CCNF: variants seen among roughly 807,000 people sequenced by gnomAD.
CCNF encodes cyclin-F.
A neutral mutation model predicts 85.4 loss-of-function variants in CCNF; 30 were observed. The observed-to-expected ratio is 0.35, with a 90% CI of 0.26 to 0.48. CCNF has a LOEUF of 0.48. Among genes scored for constraint, CCNF ranks in the 20% least tolerant of loss-of-function variants. CCNF has a pLI of 0.99. For missense variants in CCNF, 919 were observed against 1,010.4 expected, an observed-to-expected ratio of 0.91 and a Z score of 1.23; for synonymous variants, 439 against 425.1, an observed-to-expected ratio of 1.03 and a Z score of -0.40.
intron 10 of CCNF, among the ~76,000 whole-genome samples, chr16:2,446,873 T>C (rs944797944): frequency 2.6e-5 from 4 of 152,232 alleles, no homozygotes; most frequent in Non-Finnish European, 4.4e-5. Flanking sequence ...GAGCTTAGTC[T>C]TGTGACCACA....
intron 15 of CCNF, among the ~76,000 whole-genome samples, chr16:2,454,753 G>C (rs1289119160): frequency 6.6e-6 from 1 of 152,182 alleles, no homozygotes; most frequent in Admixed American, 6.5e-5. Flanking sequence ...AGCACTGCCT[G>C]CACCTTATTA....
In CCNF at chr16:2,435,619, ACACACACACATATATATG is replaced by A. The variant is rs56716750; in HGVS notation, c.279-178_279-161del. ...GAGATATATATATATATATGCACAC[ACACACACACATATATATG>A]CACACACATATATATATGCACACAC... On this transcript the variant is annotated intron_variant, in intron 3 of 16. Coordinates refer to ENST00000397066, the MANE Select transcript of CCNF (RefSeq NM_001761.3). 0.75 allele frequency among the ~76,000 whole-genome samples: 110,905 copies of A among 148,360 alleles called. 42,687 individuals are homozygous for A. The highest frequency in any genetic ancestry group is 0.92 in the African/African-American group (37,054 of 40,416).
intron 10 of CCNF, among the ~76,000 whole-genome samples, chr16:2,447,313 G>A (rs866360511): frequency 3.2e-4 from 48 of 151,046 alleles, no homozygotes; most frequent in Middle Eastern, 3.4e-3. Flanking sequence ...GACCAGGCAC[G>A]GTGGCTCACG....
chr16:2,443,834 C>T lies in CCNF; in HGVS notation c.929+34C>T, dbSNP rs185086673. ...TTCAGGCCGGGGCTTCTAATCAGAGCGGCGCGGAAGCCAGCCTCCAGGGGA... is the reference window on the plus strand; with the variant it reads ...TTCAGGCCGGGGCTTCTAATCAGAGTGGCGCGGAAGCCAGCCTCCAGGGGA... On this transcript the variant is annotated intron_variant, in intron 9 of 16. Coordinates refer to ENST00000397066, the MANE Select transcript of CCNF (RefSeq NM_001761.3). 1.2e-4 allele frequency: 196 copies of T among 1,601,610 alleles called. 1 individual carries two copies. The African/African-American group carries it at 1.7e-3, about 14-fold the overall frequency.
At chr16:2,444,301 CTTT>C (rs764089161) in intron 9 of CCNF, among the ~76,000 whole-genome samples, 4 of 139,124 alleles carry the variant, frequency 2.9e-5, no homozygotes, top group Non-Finnish European at 3.1e-5. Context: ...TCTTCAGTTA[CTTT>C]TTTTTTTTTT....
At position 2,441,223 on chromosome 16, in the gene CCNF, A is replaced by G. The variant is rs2065319475; in HGVS notation, c.777+1397A>G. 4.7e-5 allele frequency among the ~76,000 whole-genome samples: 7 copies of G among 150,420 alleles called. No individual in the cohort carries two copies. In the South Asian group the frequency reaches 1.5e-3, roughly 32 times the overall value. Reference sequence around the variant, plus strand: ...CACTCCAGCCTGGCAACAGAGCGATACTCCATCTCAAAAAAAAAAAAAATT... The same window carrying G: ...CACTCCAGCCTGGCAACAGAGCGATGCTCCATCTCAAAAAAAAAAAAAATT... On this transcript the variant is annotated intron_variant, in intron 8 of 16. Transcript: ENST00000397066.
rs1243711271 is a variant in CCNF, at chr16:2,453,279, C to A, written c.1557C>A (p.Asp519Glu). 4 of 1,613,952 alleles carry A rather than the reference C, an allele frequency of 2.5e-6. 1 individual carries two copies. The South Asian group carries it at 3.3e-5, about 13-fold the overall frequency. ...CCGCCGTGAAGCAGCGGTTTGAGGACAAGCGCTATGGAGAAATCAGCCAGG... is the reference window on the plus strand; with the variant it reads ...CCGCCGTGAAGCAGCGGTTTGAGGAAAAGCGCTATGGAGAAATCAGCCAGG... ...SLTAVKQRFE[D>E]KRYGEISQEE... Residue 519 changes from aspartate (D) to glutamate (E), a missense_variant, in exon 14 of 17, where the codon GAC (aspartate) becomes GAA (glutamate). Coordinates refer to ENST00000397066, the MANE Select transcript of CCNF (RefSeq NM_001761.3). The surrounding 1 kb of genome is among the most constrained non-coding windows in gnomAD (Gnocchi z 5.6).
intron 8 of CCNF, among the ~76,000 whole-genome samples, chr16:2,442,207 C>G (rs1413534288): frequency 7.1e-6 from 1 of 141,566 alleles, no homozygotes; most frequent in Non-Finnish European, 1.5e-5. Flanking sequence ...CAGGGTTTCA[C>G]CATGTTAGCC....
At chr16:2,437,438 A>C (rs982097012) in intron 5 of CCNF, 116 bp downstream of exon 5, 2 of 752,940 alleles carry the variant, frequency 2.7e-6, no homozygotes, top group African/African-American at 3.5e-5. Flanking sequence ...GGAAGTGAAG[A>C]TGCAGAAAAC....
chr16:2,447,138 C>T (rs1228468565), intron 10 of CCNF, among the ~76,000 whole-genome samples: 3 of 152,212 alleles, frequency 2.0e-5, no homozygotes, highest in Admixed American at 6.5e-5. Context: ...TGGGCCACAA[C>T]CGGCTGGCAG....
At chr16:2,447,030 C>T (rs2065365736) in intron 10 of CCNF, among the ~76,000 whole-genome samples, 2 of 152,338 alleles carry the variant, frequency 1.3e-5, no homozygotes, top group East Asian at 3.9e-4. Flanking sequence ...CTGAATCCAG[C>T]GTCCCAGGTC....
chr16:2,440,107 T>G (rs1438785093), intron 8 of CCNF, among the ~76,000 whole-genome samples: 2 of 152,240 alleles, frequency 1.3e-5, no homozygotes, highest in Non-Finnish European at 2.9e-5. Flanking sequence ...GAGCTATAGC[T>G]GCTGTCAAAA....
chr16:2,441,101 G>A (rs2065318676), intron 8 of CCNF, among the ~76,000 whole-genome samples: 1 of 152,090 alleles, frequency 6.6e-6, no homozygotes, highest in Admixed American at 6.6e-5. Flanking sequence ...GGGCCTGGTG[G>A]CATGTGCCTA....
intron 10 of CCNF, among the ~76,000 whole-genome samples, chr16:2,445,945 G>A (rs904615536): frequency 2.6e-5 from 4 of 151,988 alleles, no homozygotes; most frequent in Non-Finnish European, 5.9e-5. Flanking sequence ...GGTCAGGCTG[G>A]TCTCAAACTC....
intron 16 of CCNF, among the ~76,000 whole-genome samples, chr16:2,455,826 C>T (rs921695905): frequency 7.2e-5 from 11 of 152,312 alleles, no homozygotes; most frequent in African/African-American, 2.2e-4. Context: ...CTGCTCATTC[C>T]GTGTTGGGAG....
At chr16:2,442,950 A>T (rs1422197999) in intron 8 of CCNF, among the ~76,000 whole-genome samples, 5 of 100,988 alleles carry the variant, frequency 5.0e-5, no homozygotes, top group Non-Finnish European at 5.3e-5. Context: ...ATATTATTAT[A>T]TTATATATTT....
intron 8 of CCNF, 132 bp downstream of exon 8, chr16:2,439,958 C>A: frequency 1.3e-6 from 1 of 745,458 alleles, no homozygotes; most frequent in Non-Finnish European, 2.3e-6. Context: ...GATTGAGGGA[C>A]ACCCTAAGAT....
chr16:2,439,384 T>TCAAACAG lies in CCNF; in HGVS notation c.626_627insCAAACAG (p.Phe210LysfsTer4), dbSNP rs2065308932. On this transcript the variant is annotated frameshift_variant, in exon 7 of 17. Transcript: ENST00000397066. LOFTEE classifies it high-confidence loss of function. ...GAGAAGCAGCAGCAGGCCCATGACCTGTTTGAGGAGGCTGCTCATCAGGGA... is the reference window on the plus strand; with the variant it reads ...GAGAAGCAGCAGCAGGCCCATGACCTCAAACAGGTTTGAGGAGGCTGCTCATCAGGGA... The TCAAACAG allele has an allele frequency of 6.2e-7, 1 of 1,609,626 alleles. No individual in the cohort carries two copies. Among genetic ancestry groups the TCAAACAG allele is most frequent in the Non-Finnish European group, 8.5e-7 (1 of 1,178,420 alleles).
rs747820370 is a variant in CCNF at position 2,453,194 on chromosome 16, G to C, written c.1488-16G>C. ...GGGGTGCCTCACATGTCCACTCCACGTGACTCTGTTTCCAGCTTCCATGAT... is the reference window on the plus strand; with the variant it reads ...GGGGTGCCTCACATGTCCACTCCACCTGACTCTGTTTCCAGCTTCCATGAT... On this transcript the variant is annotated splice_polypyrimidine_tract_variant and intron_variant, in intron 13 of 16. Transcript: ENST00000397066. This position sits in a 1 kb window ranked among gnomAD's most constrained non-coding sequence, Gnocchi z 5.6. 6.2e-7 allele frequency: 1 copy of C among 1,612,712 alleles called. No individual in the cohort carries two copies. Among genetic ancestry groups the C allele is most frequent in the Non-Finnish European group, 8.5e-7 (1 of 1,179,260 alleles).
Sources: allele counts gnomAD v4.1 joint callset (sites outside exome capture counted in the v4.1 genomes callset), GRCh38; gene constraint gnomAD v4.1.1; non-coding constraint Gnocchi (gnomAD v3.1); transcripts MANE v1.5; gene names NCBI Gene and HGNC (gene_info 2026-07-23, HGNC 2026-07-21).